Variants in SLC66A2 observed in about 807,000 individuals in gnomAD.
SLC66A2 encodes solute carrier family 66 member 2.
Under a neutral mutation model 25.5 loss-of-function variants are expected in SLC66A2, and 23 were observed. That is an observed-to-expected ratio of 0.90 (90% CI 0.65 to 1.28). SLC66A2 has a LOEUF of 1.28. SLC66A2 is among the 50% of genes most tolerant of loss of function. The pLI, the probability that SLC66A2 is intolerant of heterozygous loss-of-function variation, is 0.00. For missense variants in SLC66A2, 396 were observed against 373.1 expected (o/e 1.06, Z -0.51); for synonymous variants, 193 against 166.5 (o/e 1.16, Z -1.23).
Position 79,904,163 on chromosome 18 carries a change from C to G in SLC66A2, c.629G>C (p.Trp210Ser). The G allele has an allele frequency of 6.2e-7, 1 of 1,612,928 alleles. No individual in the cohort carries two copies. The highest frequency in any genetic ancestry group is 1.1e-5 in the South Asian group (1 of 91,082). ...EGMSIKMVLM[W>S]TSGDAFKTAY... Reference sequence around the variant, plus strand: ...CGTCTTGAAGGCGTCACCACTGGTCCACATGAGCACCATCTTGATGCTGTG... The same window carrying G: ...CGTCTTGAAGGCGTCACCACTGGTCGACATGAGCACCATCTTGATGCTGTG... Residue 210 changes from tryptophan (W) to serine (S), a missense_variant, in exon 6 of 6, where the codon TGG becomes TCG. Coordinates refer to ENST00000397778, the MANE Select transcript of SLC66A2 (RefSeq NM_025078.5). This position sits in a 1 kb window ranked among gnomAD's most constrained non-coding sequence, Gnocchi z 6.3.
Position 79,940,402 on chromosome 18 carries a change from G to C in SLC66A2, c.337+2927C>G, listed in dbSNP as rs1200300841. Among the ~76,000 whole-genome samples, 1 of 152,062 alleles carries C rather than the reference G, an allele frequency of 6.6e-6. No homozygotes were observed. Among genetic ancestry groups the C allele is most frequent in the Non-Finnish European group, 1.5e-5 (1 of 68,010 alleles). ...TGGATCACTTGAGGTCAGGAGTTCA[G>C]GAGTTAGAGAAATAATCTGTACACT... On this transcript the variant is annotated intron_variant, in intron 3 of 5. Coordinates refer to ENST00000397778, the MANE Select transcript of SLC66A2 (RefSeq NM_025078.5). This position sits in a 1 kb window ranked among gnomAD's most constrained non-coding sequence, Gnocchi z 4.1.
chr18:79,908,579 C>T (rs1241459045), intron 5 of SLC66A2, among the ~76,000 whole-genome samples: 3 of 152,116 alleles, frequency 2.0e-5, no homozygotes, highest in Non-Finnish European at 2.9e-5. Flanking sequence ...GTGTTTTCAG[C>T]CCTTATTTCT....
chr18:79,909,571 G>GCCTTCCCCACCATCTCACCAGTCTCCAA (rs1378379882), intron 5 of SLC66A2, among the ~76,000 whole-genome samples: 32 of 99,298 alleles, frequency 3.2e-4, no homozygotes, highest in Non-Finnish European at 5.3e-4. Flanking sequence ...AGAGTCCCCA[G>GCCTTCCCCACCATCTCACCAGTCTCCAA]CCTTCCCCAC....
intron 4 of SLC66A2, among the ~76,000 whole-genome samples, chr18:79,923,650 T>C (rs979040492): frequency 5.9e-5 from 9 of 152,032 alleles, no homozygotes; most frequent in Non-Finnish European, 7.4e-5. Context: ...GAAGAAAACA[T>C]GAGGAAACAC....
At chr18:79,930,071 T>C (rs567825137) in intron 4 of SLC66A2, among the ~76,000 whole-genome samples, 1 of 152,152 alleles carries the variant, frequency 6.6e-6, no homozygotes, top group African/African-American at 2.4e-5. Context: ...ACTTCCCAAA[T>C]ATGATGAAAA....
chr18:79,934,843 G>C (rs1216513729), intron 3 of SLC66A2, among the ~76,000 whole-genome samples: 3 of 152,214 alleles, frequency 2.0e-5, no homozygotes, highest in Non-Finnish European at 4.4e-5. Flanking sequence ...TGGAAATTTT[G>C]CAAGTGAACA....
chr18:79,940,990 C>A lies in SLC66A2; in HGVS notation c.337+2339G>T, dbSNP rs1363973841. Among the ~76,000 whole-genome samples, 1 of 152,110 alleles carries A rather than the reference C, an allele frequency of 6.6e-6. No homozygotes were observed. The highest frequency in any genetic ancestry group is 2.4e-5 in the African/African-American group (1 of 41,418). On this transcript the variant is annotated intron_variant, in intron 3 of 5. Coordinates refer to ENST00000397778, the MANE Select transcript of SLC66A2 (RefSeq NM_025078.5). This position sits in a 1 kb window ranked among gnomAD's most constrained non-coding sequence, Gnocchi z 4.1. ...ACCCCAGGAGCCCGGCCCCCTACCC[C>A]TCGTGGCGGCCCTGGACTGCTTCCC...
chr18:79,950,972 G>A lies in SLC66A2; in HGVS notation c.-46C>T. The A allele has an allele frequency of 7.1e-7, 1 of 1,413,774 alleles. No homozygotes were observed. Among genetic ancestry groups the A allele is most frequent in the Non-Finnish European group, 9.3e-7 (1 of 1,076,604 alleles). 87.6% of individuals were successfully genotyped at this position (1,413,774 alleles called of 1,614,324 possible). A position where few individuals can be genotyped will look rare whatever the true frequency, so the allele number is the denominator to read the frequency against. On this transcript the variant is annotated 5_prime_UTR_variant, in exon 2 of 6. Transcript: ENST00000397778. Reference sequence around the variant, plus strand: ...GGCTGTCACGGGCTCCGCGCCCCGCGGGCCACCGGCCGCCTGCTCATCGCC... The same window carrying A: ...GGCTGTCACGGGCTCCGCGCCCCGCAGGCCACCGGCCGCCTGCTCATCGCC...
Position 79,917,184 on chromosome 18 carries a change from C to T in SLC66A2, c.608+2000G>A, listed in dbSNP as rs1458264477. ...CCTAAGACAGGCCTGCCTGCAGGGCCGCCTCGGCCAGCATCTGGAAACTCG... is the reference window on the plus strand; with the variant it reads ...CCTAAGACAGGCCTGCCTGCAGGGCTGCCTCGGCCAGCATCTGGAAACTCG... On this transcript the variant is annotated intron_variant, in intron 5 of 5. Transcript: ENST00000397778. This position sits in a 1 kb window ranked among gnomAD's most constrained non-coding sequence, Gnocchi z 6.0. 1.3e-5 allele frequency among the ~76,000 whole-genome samples: 2 copies of T among 152,258 alleles called. No individual in the cohort carries two copies. The highest frequency in any genetic ancestry group is 2.9e-5 in the Non-Finnish European group (2 of 68,040).
intron 5 of SLC66A2, among the ~76,000 whole-genome samples, chr18:79,912,679 C>T (rs565983797): frequency 6.7e-4 from 102 of 152,146 alleles, no homozygotes; most frequent in African/African-American, 2.1e-3. Flanking sequence ...TCCTGGGGTG[C>T]GGAAAATGTT....
At position 79,940,877 on chromosome 18, in the gene SLC66A2, C is replaced by A. The variant is rs959347226; in HGVS notation, c.337+2452G>T. Reference sequence around the variant, plus strand: ...GGACACAGAGCTCAAGAGCGGATGTCCCACTTGAGGTCATTTGGGGCCCAG... The same window carrying A: ...GGACACAGAGCTCAAGAGCGGATGTACCACTTGAGGTCATTTGGGGCCCAG... On this transcript the variant is annotated intron_variant, in intron 3 of 5. Coordinates refer to ENST00000397778, the MANE Select transcript of SLC66A2 (RefSeq NM_025078.5). This position sits in a 1 kb window ranked among gnomAD's most constrained non-coding sequence, Gnocchi z 4.1. Among the ~76,000 whole-genome samples, 1 of 152,104 alleles carries A rather than the reference C, an allele frequency of 6.6e-6. No individual in the cohort carries two copies. Among genetic ancestry groups the A allele is most frequent in the Non-Finnish European group, 1.5e-5 (1 of 68,022 alleles).
In SLC66A2 at chr18:79,904,070, T is replaced by C; in HGVS notation, c.722A>G (p.Asp241Gly). The change falls in exon 6 of 6, where the codon GAC becomes GGC. Residue 241 changes from aspartate to glycine, a missense_variant. By Grantham distance (94) the Asp-to-Gly change is moderately conservative. Transcript: ENST00000397778. This position sits in a 1 kb window ranked among gnomAD's most constrained non-coding sequence, Gnocchi z 6.3. ...GTAGGCCTGCCCCAGGATGGCCAGGTCCACCAGCACCTGCAGCAGGCCGCA... is the reference window on the plus strand; with the variant it reads ...GTAGGCCTGCCCCAGGATGGCCAGGCCCACCAGCACCTGCAGCAGGCCGCA... ...SVCGLLQVLVDLAILGQAYAF... is the reference protein window; with the variant it reads ...SVCGLLQVLVGLAILGQAYAF... The C allele has an allele frequency of 6.2e-7, 1 of 1,611,974 alleles. No individual in the cohort carries two copies. Among genetic ancestry groups the C allele is most frequent in the Non-Finnish European group, 8.5e-7 (1 of 1,179,434 alleles).
intron 4 of SLC66A2, chr18:79,930,410 T>C (rs1162953909): frequency 6.6e-6 from 1 of 152,078 alleles, no homozygotes; most frequent in Non-Finnish European, 1.5e-5. Context: ...AAACAAGAAC[T>C]GAGAAAATCT....
intron 4 of SLC66A2, among the ~76,000 whole-genome samples, chr18:79,928,475 G>A (rs1986232587): frequency 6.6e-6 from 1 of 152,158 alleles, no homozygotes; most frequent in Non-Finnish European, 1.5e-5. Flanking sequence ...AGCAGTGTGA[G>A]GCTCTCCACA....
In SLC66A2 at chr18:79,903,657, C is replaced by T. The variant is rs991398014; in HGVS notation, c.*319G>A. On this transcript the variant is annotated 3_prime_UTR_variant, in exon 6 of 6. Transcript: ENST00000397778. The stretch of plus-strand genomic sequence containing the variant: ...CCACCTGGAGCAGGTTCCTGCAGGC[C>T]GCCCAATGTGTACCTTGGGCTCAGA... The T allele has an allele frequency of 1.9e-5, 7 of 369,924 alleles. No individual in the cohort carries two copies. The highest frequency in any genetic ancestry group is 7.4e-5 in the South Asian group (2 of 26,970). The allele number at this position is 369,924 out of a possible 1,614,324, so 22.9% of individuals were successfully genotyped here.
At chr18:79,948,288 T>G (rs1031733442) in intron 2 of SLC66A2, among the ~76,000 whole-genome samples, 4 of 152,202 alleles carry the variant, frequency 2.6e-5, no homozygotes, top group African/African-American at 9.7e-5. Flanking sequence ...AATGACAAGA[T>G]GGCACCAGGA....
Position 79,916,278 on chromosome 18 carries a change from T to C in SLC66A2, c.608+2906A>G, listed in dbSNP as rs753806993. ...CATAGCCGCAGTGCTCCCGTACCCG[T>C]GGTGCTCCCGTACCCGTGGTGCTCC... On this transcript the variant is annotated intron_variant, in intron 5 of 5. Coordinates refer to ENST00000397778, the MANE Select transcript of SLC66A2 (RefSeq NM_025078.5). Among the ~76,000 whole-genome samples, 76 of 117,302 alleles carry C rather than the reference T, an allele frequency of 6.5e-4. 1 individual carries two copies. The highest frequency in any genetic ancestry group is 2.6e-3 in the African/African-American group (69 of 26,134). 77.0% of individuals were successfully genotyped at this position (117,302 alleles called of 152,430 possible).
intron 4 of SLC66A2, among the ~76,000 whole-genome samples, chr18:79,925,988 G>A (rs1331484375): frequency 6.6e-6 from 1 of 152,180 alleles, no homozygotes; most frequent in Non-Finnish European, 1.5e-5. Flanking sequence ...TTGCAGTAAA[G>A]AAGCCGGACA....
chr18:79,936,394 T>C (rs73971310), intron 3 of SLC66A2, among the ~76,000 whole-genome samples: 22,473 of 152,224 alleles, frequency 0.15, 1,787 homozygotes, highest in South Asian at 0.22. Flanking sequence ...CTTTCTTGAA[T>C]TATAACTAAC....
Sources: gnomAD v4.1 joint callset for allele counts (sites outside exome capture counted in the v4.1 genomes callset) on GRCh38, gnomAD v4.1.1 for gene constraint, Gnocchi (gnomAD v3.1) non-coding constraint, MANE v1.5 for transcripts, NCBI Gene and HGNC (gene_info 2026-07-23, HGNC 2026-07-21) for gene names.